OAF: variants seen among roughly 807,000 people sequenced by gnomAD.
The protein encoded by OAF is out at first protein homolog.
Under a neutral mutation model 22.5 loss-of-function variants are expected in OAF, and 13 were observed. The ratio of observed to expected loss-of-function variants is 0.58; its 90% CI spans 0.38 to 0.92. OAF has a LOEUF of 0.92. Ranked by LOEUF, OAF falls within the 40% of genes least tolerant of loss-of-function variation. The pLI is 0.00. For synonymous variants in OAF, 175 were observed against 170.5 expected, an observed-to-expected ratio of 1.03 and a Z score of -0.21; for missense variants, 347 against 381.8, an observed-to-expected ratio of 0.91 and a Z score of 0.76.
At chr11:120,224,468 T>A (rs1484986370) in intron 1 of OAF, among the ~76,000 whole-genome samples, 3 of 152,202 alleles carry the variant, frequency 2.0e-5, no homozygotes, top group Non-Finnish European at 4.4e-5. Context: ...GGGGAAAGCC[T>A]GGAGGACTCA....
At position 120,211,323 on chromosome 11, in the gene OAF, T is replaced by G; in HGVS notation, c.44T>G (p.Leu15Arg). 1 of 1,393,284 alleles carries G rather than the reference T, an allele frequency of 7.2e-7. No individual in the cohort carries two copies. Among genetic ancestry groups the G allele is most frequent in the South Asian group, 1.6e-5 (1 of 64,314 alleles). 86.3% of individuals were successfully genotyped at this position (1,393,284 alleles called of 1,614,324 possible). The change falls in exon 1 of 4, where the codon CTG becomes CGG. Residue 15 changes from leucine (L) to arginine (R), a missense_variant. Leu to Arg is a moderately radical substitution (Grantham distance 102, BLOSUM62 -2). Coordinates refer to ENST00000328965, the MANE Select transcript of OAF (RefSeq NM_178507.4). ...GVPLARPALLLLLPLLAPLLG... is the reference protein window; with the variant it reads ...GVPLARPALLRLLPLLAPLLG... ...CCCCTGGCGCGCCCTGCGCTGCTGCTGCTGCTGCCGCTGCTCGCGCCGCTG... is the reference window on the plus strand; with the variant it reads ...CCCCTGGCGCGCCCTGCGCTGCTGCGGCTGCTGCCGCTGCTCGCGCCGCTG...
chr11:120,226,941 G>T lies in OAF; in HGVS notation c.492G>T (p.Glu164Asp). 3.1e-6 allele frequency: 5 copies of T among 1,611,088 alleles called. No homozygotes were observed. The highest frequency in any genetic ancestry group is 4.2e-6 in the Non-Finnish European group (5 of 1,177,582). Residue 164 changes from glutamate to aspartate, a missense_variant, in exon 3 of 4, where the codon GAG becomes GAT. Transcript: ENST00000328965. ...CCCATCTCCACAACGTGTGTGCCGA[G>T]GCCGTGGATGCCATCTACACCCGCC... ...LSPHLHNVCA[E>D]AVDAIYTRQE... is the part of the protein sequence containing the mutation.
chr11:120,224,825 G>A (rs1295540156), intron 1 of OAF, among the ~76,000 whole-genome samples: 1 of 152,172 alleles, frequency 6.6e-6, no homozygotes, highest in East Asian at 1.9e-4. Flanking sequence ...ACAGAGATGG[G>A]TAAGAAGGCA....
chr11:120,218,979 A>G (rs11217769), intron 1 of OAF, among the ~76,000 whole-genome samples: 50,760 of 149,522 alleles, frequency 0.34, 9,353 homozygotes, highest in Non-Finnish European at 0.42. Flanking sequence ...ACATGCACGC[A>G]TGTACACGTG....
intron 1 of OAF, among the ~76,000 whole-genome samples, chr11:120,222,953 A>T (rs1402546442): frequency 1.3e-5 from 2 of 152,128 alleles, no homozygotes; most frequent in Non-Finnish European, 2.9e-5. Flanking sequence ...AAGTCCTGGC[A>T]GGGCAGGCAG....
chr11:120,215,643 A>G (rs553197457), intron 1 of OAF, among the ~76,000 whole-genome samples: 1 of 152,314 alleles, frequency 6.6e-6, no homozygotes, highest in African/African-American at 2.4e-5. Context: ...CTGGATGTAC[A>G]TAATCACTGG....
At chr11:120,227,177 G>A (rs147270646) in intron 3 of OAF, among the ~76,000 whole-genome samples, 181 bp downstream of exon 3, 12 of 152,198 alleles carry the variant, frequency 7.9e-5, no homozygotes, top group South Asian at 6.2e-4. Context: ...ATGTACTGGC[G>A]CAGGAATCAG....
chr11:120,224,637 A>G (rs1178641233), intron 1 of OAF, among the ~76,000 whole-genome samples: 1 of 152,142 alleles, frequency 6.6e-6, no homozygotes, highest in Non-Finnish European at 1.5e-5. Context: ...GGGCCCGGGC[A>G]TTAATAGATG....
intron 1 of OAF, among the ~76,000 whole-genome samples, chr11:120,221,191 T>G (rs1938276459): frequency 6.6e-6 from 1 of 152,176 alleles, no homozygotes; most frequent in Admixed American, 6.5e-5. Context: ...GAAGTCAGCC[T>G]CCTCCACCAT....
At chr11:120,216,797 A>G (rs1414020961) in intron 1 of OAF, among the ~76,000 whole-genome samples, 2 of 152,110 alleles carry the variant, frequency 1.3e-5, no homozygotes, top group African/African-American at 4.8e-5. Context: ...AGGCACAGAG[A>G]GGTGGTGGAG....
intron 1 of OAF, among the ~76,000 whole-genome samples, chr11:120,223,228 G>C (rs1938305267): frequency 6.6e-6 from 1 of 152,222 alleles, no homozygotes; most frequent in African/African-American, 2.4e-5. Flanking sequence ...GAGACTAGCT[G>C]ATCCAGGAGG....
In OAF at chr11:120,228,870, G is replaced by A. The variant is rs2135099673; in HGVS notation, c.550G>A (p.Val184Met). The A allele has an allele frequency of 6.5e-7, 1 of 1,527,456 alleles. No homozygotes were observed. Among genetic ancestry groups the A allele is most frequent in the African/African-American group, 1.4e-5 (1 of 71,298 alleles). The allele number at this position is 1,527,456 out of a possible 1,614,324, so 94.6% of individuals were successfully genotyped here. A position where few individuals can be genotyped will look rare whatever the true frequency, so the allele number is the denominator to read the frequency against. The change falls in exon 4 of 4, where the codon GTG becomes ATG. Residue 184 changes from valine (V) to methionine (M), a missense_variant and splice_region_variant. Coordinates refer to ENST00000328965, the MANE Select transcript of OAF (RefSeq NM_178507.4). Reference sequence around the variant, plus strand: ...TGATCCTTGCCTCTCTCCCCCAGGTGTGGACAGTTCTGTGTTCGAGGCTCT... The same window carrying A: ...TGATCCTTGCCTCTCTCCCCCAGGTATGGACAGTTCTGTGTTCGAGGCTCT... ...EDVRFWLEQG[V>M]DSSVFEALPK...
At chr11:120,214,296 G>A (rs1464476141) in intron 1 of OAF, among the ~76,000 whole-genome samples, 1 of 152,192 alleles carries the variant, frequency 6.6e-6, no homozygotes, top group Non-Finnish European at 1.5e-5. Flanking sequence ...ACAGTTAGTA[G>A]TGCCTATGAC....
chr11:120,218,753 G>A (rs1938243190), intron 1 of OAF, among the ~76,000 whole-genome samples: 1 of 152,210 alleles, frequency 6.6e-6, no homozygotes, highest in South Asian at 2.1e-4. Flanking sequence ...GAAGCAGGGT[G>A]TGGAGGGAAG....
Position 120,229,213 on chromosome 11 carries a change from C to A in OAF, c.*71C>A, listed in dbSNP as rs187280101. 2,642 of 1,426,796 alleles carry A rather than the reference C, an allele frequency of 1.9e-3. 7 individuals carry two copies. The highest frequency in any genetic ancestry group is 0.015 in the Middle Eastern group (60 of 4,058). The allele number at this position is 1,426,796 out of a possible 1,614,324, so 88.4% of individuals were successfully genotyped here. A position where few individuals can be genotyped will look rare whatever the true frequency, so the allele number is the denominator to read the frequency against. On this transcript the variant is annotated 3_prime_UTR_variant, in exon 4 of 4. Coordinates refer to ENST00000328965, the MANE Select transcript of OAF (RefSeq NM_178507.4). ...CACCAGCCACTAGAGGGGGTGGCAACCCCCACCTGAGGCCTTATTTCCCTC... is the reference window on the plus strand; with the variant it reads ...CACCAGCCACTAGAGGGGGTGGCAAACCCCACCTGAGGCCTTATTTCCCTC...
chr11:120,219,815 A>G (rs962340532), intron 1 of OAF, among the ~76,000 whole-genome samples: 6 of 152,322 alleles, frequency 3.9e-5, no homozygotes, highest in Non-Finnish European at 8.8e-5. Context: ...CTGGGCCATG[A>G]ACTAGATGAT....
At chr11:120,213,875 A>C (rs909644621) in intron 1 of OAF, 1 of 152,010 alleles carries the variant, frequency 6.6e-6, no homozygotes, top group African/African-American at 2.4e-5. Flanking sequence ...GGAATATGAA[A>C]TCTTCAGGCC....
rs1349817746 is a variant in OAF, at chr11:120,211,271, C to T, written c.-9C>T. Reference sequence around the variant, plus strand: ...GCGCCGGGGCCGCGGACGGCAGCGGCCCCCGGGGATGCGCCTTCCCGGGGT... The same window carrying T: ...GCGCCGGGGCCGCGGACGGCAGCGGTCCCCGGGGATGCGCCTTCCCGGGGT... On this transcript the variant is annotated 5_prime_UTR_variant, in exon 1 of 4. Transcript: ENST00000328965. The T allele has an allele frequency of 4.1e-6, 5 of 1,214,624 alleles. No homozygotes were observed. In the Admixed American group the frequency reaches 1.3e-4, roughly 32 times the overall value. 75.2% of individuals were successfully genotyped at this position (1,214,624 alleles called of 1,614,324 possible).
intron 3 of OAF, among the ~76,000 whole-genome samples, chr11:120,227,270 G>A (rs185996619): frequency 2.8e-4 from 43 of 152,278 alleles, no homozygotes; most frequent in Admixed American, 5.2e-4. Flanking sequence ...ATAGCTACAG[G>A]CGTTCAGGGA....
Sources: allele counts gnomAD v4.1 joint callset (sites outside exome capture counted in the v4.1 genomes callset), GRCh38; gene constraint gnomAD v4.1.1; transcripts MANE v1.5; gene names NCBI Gene and HGNC (gene_info 2026-07-23, HGNC 2026-07-21).